Variants in CACNA1D observed in about 807,000 individuals in gnomAD.
CACNA1D encodes the protein voltage-dependent L-type calcium channel subunit alpha-1D.
Under a neutral mutation model 257.1 loss-of-function variants are expected in CACNA1D, and 55 were observed. That is an observed-to-expected ratio of 0.21 (90% CI 0.17 to 0.27). CACNA1D has a LOEUF of 0.27. CACNA1D is among the 10% of genes least tolerant of loss of function. The probability of loss-of-function intolerance (pLI) is 1.00; values close to 1 mark genes in which losing one functional copy is unlikely to be tolerated. For synonymous variants in CACNA1D, 980 were observed against 1,014.9 expected (o/e 0.97, Z 0.65); for missense variants, 1,876 against 2,784.0 (o/e 0.67, Z 7.34).
intron 3 of CACNA1D, among the ~76,000 whole-genome samples, chr3:53,555,456 G>GTTTT (rs1334737354): frequency 1.7e-5 from 2 of 117,042 alleles, no homozygotes; most frequent in African/African-American, 7.0e-5. Context: ...GTGTGTGTGT[G>GTTTT]TGTGTTTTTT....
At chr3:53,795,155 G>C in intron 40 of CACNA1D, among the ~76,000 whole-genome samples, 1 of 152,238 alleles carries the variant, frequency 6.6e-6, no homozygotes, top group Middle Eastern at 3.2e-3. Flanking sequence ...AGGATAGAAA[G>C]TGTTTTTAAA....
intron 8 of CACNA1D, among the ~76,000 whole-genome samples, chr3:53,688,185 G>C (rs1238922629): frequency 6.6e-6 from 1 of 152,230 alleles, no homozygotes; most frequent in Non-Finnish European, 1.5e-5. Flanking sequence ...GGAAGCTTCA[G>C]TCTCCACAGA....
intron 3 of CACNA1D, among the ~76,000 whole-genome samples, chr3:53,548,428 C>A (rs1230191519): frequency 5.5e-5 from 8 of 144,988 alleles, no homozygotes; most frequent in African/African-American, 2.1e-4. Context: ...ATACATTACA[C>A]ATTTAACTAC....
At chr3:53,535,156 A>G (rs2092077099) in intron 3 of CACNA1D, among the ~76,000 whole-genome samples, 2 of 152,158 alleles carry the variant, frequency 1.3e-5, no homozygotes, top group Admixed American at 1.3e-4. Flanking sequence ...CCACGTCTTT[A>G]TTATCCTTGC....
Position 53,800,685 on chromosome 3 carries a change from T to C in CACNA1D, c.5040+320T>C. The C allele has an allele frequency of 2.1e-6, 1 of 482,014 alleles. No individual in the cohort carries two copies. The highest frequency in any genetic ancestry group is 4.1e-5 in the East Asian group (1 of 24,274). The allele number at this position is 482,014 out of a possible 1,614,324, so 29.9% of individuals were successfully genotyped here. On this transcript the variant is annotated intron_variant, in intron 41 of 47. Coordinates refer to ENST00000350061, the MANE Select transcript of CACNA1D (RefSeq NM_001128840.3). This position sits in a 1 kb window ranked among gnomAD's most constrained non-coding sequence, Gnocchi z 4.3. The stretch of plus-strand genomic sequence containing the variant: ...GCAGCTGCCTTTGCTACCCTCCTCC[T>C]TCCCGGGCCAGCTCTTTGATCTGCC...
intron 3 of CACNA1D, among the ~76,000 whole-genome samples, chr3:53,544,820 G>A (rs1163666093): frequency 6.6e-6 from 1 of 152,212 alleles, no homozygotes; most frequent in African/African-American, 2.4e-5. Flanking sequence ...TCTTAGCTGT[G>A]CTACTCTCAA....
chr3:53,511,880 A>G (rs1037651934), intron 3 of CACNA1D, among the ~76,000 whole-genome samples: 2 of 152,204 alleles, frequency 1.3e-5, no homozygotes, highest in African/African-American at 4.8e-5. Context: ...TGCCCCCGTA[A>G]AACCATATTT....
intron 8 of CACNA1D, chr3:53,679,467 G>A (rs1576327651): frequency 6.6e-6 from 1 of 151,980 alleles, no homozygotes; most frequent in East Asian, 1.9e-4. Context: ...GGGGTAGCCA[G>A]GATATCGGCA....
chr3:53,691,906 T>G (rs59347778), intron 8 of CACNA1D, among the ~76,000 whole-genome samples: 27 of 52,384 alleles, frequency 5.2e-4, no homozygotes, highest in Middle Eastern at 0.011. Context: ...ATTACATATA[T>G]TATATATAAT....
chr3:53,514,446 C>T lies in CACNA1D; in HGVS notation c.483+12726C>T, dbSNP rs991792223. 2.3e-4 allele frequency among the ~76,000 whole-genome samples: 35 copies of T among 152,092 alleles called. 1 individual carries two copies. The highest frequency in any genetic ancestry group is 1.5e-4 in the Non-Finnish European group (10 of 68,018). On this transcript the variant is annotated intron_variant, in intron 3 of 47. Transcript: ENST00000350061. ...TCATGCTTTTGATTAGTGATTGGAA[C>T]CAAGGTCTGGGGACTGGCATAGAAA...
At chr3:53,553,378 T>C (rs570955228) in intron 3 of CACNA1D, among the ~76,000 whole-genome samples, 315 of 152,338 alleles carry the variant, frequency 2.1e-3, no homozygotes, top group Non-Finnish European at 4.0e-3. Context: ...GCACAGTCTT[T>C]AAGAGCACTG....
intron 3 of CACNA1D, among the ~76,000 whole-genome samples, chr3:53,557,891 A>G (rs1348921137): frequency 2.0e-5 from 3 of 152,186 alleles, no homozygotes; most frequent in Non-Finnish European, 4.4e-5. Flanking sequence ...GACTTCTACC[A>G]AAAAAGCCTG....
At chr3:53,575,701 T>C (rs1000928884) in intron 3 of CACNA1D, among the ~76,000 whole-genome samples, 1 of 148,986 alleles carries the variant, frequency 6.7e-6, no homozygotes, top group African/African-American at 2.4e-5. Flanking sequence ...AGTAAAGACA[T>C]ACACCAATTG....
chr3:53,541,083 T>G (rs1371929349), intron 3 of CACNA1D, among the ~76,000 whole-genome samples: 1 of 152,198 alleles, frequency 6.6e-6, no homozygotes, highest in Non-Finnish European at 1.5e-5. Flanking sequence ...GTTTTTCTTG[T>G]TTAAAATTGT....
At chr3:53,676,683 C>G (rs1025410297) in intron 8 of CACNA1D, among the ~76,000 whole-genome samples, 14 of 152,214 alleles carry the variant, frequency 9.2e-5, no homozygotes, top group African/African-American at 3.4e-4. Context: ...ATGTGTGTGG[C>G]CATGCCATCC....
At chr3:53,757,241 C>A (rs2095271374) in intron 29 of CACNA1D, among the ~76,000 whole-genome samples, 2 of 151,958 alleles carry the variant, frequency 1.3e-5, no homozygotes, top group South Asian at 2.1e-4. Context: ...TTCTTCATGA[C>A]CCCATCTGTT....
At chr3:53,618,536 T>A (rs72970774) in intron 3 of CACNA1D, among the ~76,000 whole-genome samples, 3,015 of 152,266 alleles carry the variant, frequency 0.02, 103 homozygotes, top group African/African-American at 0.069. Context: ...CTTTAGATCC[T>A]GAGAGCCCCA....
At chr3:53,617,107 G>C (rs36003262) in intron 3 of CACNA1D, among the ~76,000 whole-genome samples, 3 of 152,062 alleles carry the variant, frequency 2.0e-5, no homozygotes, top group Non-Finnish European at 4.4e-5. Context: ...ATCCCCTGAG[G>C]TCTAGCCCTC....
chr3:53,655,777 GT>G (rs2094142122), intron 4 of CACNA1D, among the ~76,000 whole-genome samples: 1 of 152,080 alleles, frequency 6.6e-6, no homozygotes, highest in African/African-American at 2.4e-5. Flanking sequence ...AAGCTCTTAA[GT>G]TTAATTAGGC....
Sources: allele counts gnomAD v4.1 joint callset (sites outside exome capture counted in the v4.1 genomes callset), GRCh38; gene constraint gnomAD v4.1.1; non-coding constraint Gnocchi (gnomAD v3.1); transcripts MANE v1.5; gene names NCBI Gene and HGNC (gene_info 2026-07-23, HGNC 2026-07-21).